Variants in NFS1 observed in about 807,000 individuals in gnomAD.
The protein encoded by NFS1 is NFS1 cysteine desulfurase, also known as cysteine desulfurase.
In NFS1, 26 loss-of-function variants were observed where a neutral mutation model predicts 57.3. That is an observed-to-expected ratio of 0.45 (90% CI 0.33 to 0.63). The LOEUF is 0.63. Among genes scored for constraint, NFS1 ranks in the 20% least tolerant of loss-of-function variants. The pLI, the probability that NFS1 is intolerant of heterozygous loss-of-function variation, is 0.02. For synonymous variants in NFS1, 209 were observed against 216.3 expected (o/e 0.97, Z 0.30); for missense variants, 505 against 605.8 (o/e 0.83, Z 1.75).
rs181478192 is a variant in NFS1 at position 35,683,383 on chromosome 20, G to A, written c.562-1402C>T. ...TGTAATCCCAGCTACTTGAGAGGCT[G>A]AGGCAGGAGAATCGCTTGAACCCGG... On this transcript the variant is annotated intron_variant, in intron 5 of 12. Transcript: ENST00000374092. Among the ~76,000 whole-genome samples, 331 of 152,114 alleles carry A rather than the reference G, an allele frequency of 2.2e-3. 4 individuals are homozygous for A. The highest frequency in any genetic ancestry group is 7.8e-3 in the African/African-American group (324 of 41,500).
At position 35,699,179 on chromosome 20, in the gene NFS1, G is replaced by C; in HGVS notation, c.97+13C>G. On this transcript the variant is annotated intron_variant, in intron 1 of 12. Transcript: ENST00000374092. This position sits in a 1 kb window ranked among gnomAD's most constrained non-coding sequence, Gnocchi z 4.4. ...CAGGTCCGCGCCTCCCGGAGAGCGG[G>C]ACCCGAGCGTACCGCGCAGGCGCAG... 7.2e-7 allele frequency: 1 copy of C among 1,398,112 alleles called. No homozygotes were observed. The highest frequency in any genetic ancestry group is 9.2e-7 in the Non-Finnish European group (1 of 1,086,166). The allele number at this position is 1,398,112 out of a possible 1,614,324, so 86.6% of individuals were successfully genotyped here. A position where few individuals can be genotyped will look rare whatever the true frequency, so the allele number is the denominator to read the frequency against.
At chr20:35,674,930 G>A (rs2034715184) in intron 8 of NFS1, 115 bp downstream of exon 8, 3 of 1,432,324 alleles carry the variant, frequency 2.1e-6, no homozygotes, top group East Asian at 2.3e-5. Context: ...ACAAGGAAGA[G>A]TTTTCTTAAG....
intron 4 of NFS1, chr20:35,692,230 G>C (rs775086935): frequency 9.7e-5 from 26 of 269,136 alleles, no homozygotes; most frequent in Non-Finnish European, 1.7e-4. Context: ...AAAAATTAGC[G>C]AGGTGTGGTG....
At chr20:35,692,327 T>C in intron 4 of NFS1, 1 of 241,108 alleles carries the variant, frequency 4.1e-6, no homozygotes. Flanking sequence ...TGAGCCGAGA[T>C]CATGCCCCTA....
At chr20:35,676,787 C>CAAAAAAAAAAAAAAAAA (rs1206628678) in intron 7 of NFS1, among the ~76,000 whole-genome samples, 10 of 77,312 alleles carry the variant, frequency 1.3e-4, no homozygotes, top group South Asian at 4.3e-4. Context: ...AAAAAAAAAC[C>CAAAAAAAAAAAAAAAAA]AAGAAAGAAA....
At chr20:35,683,575 T>C (rs2034886928) in intron 5 of NFS1, among the ~76,000 whole-genome samples, 1 of 150,612 alleles carries the variant, frequency 6.6e-6, no homozygotes, top group Non-Finnish European at 1.5e-5. Context: ...AGTCAAGAGA[T>C]CGAGACCATC....
chr20:35,674,919 G>T, intron 8 of NFS1, 126 bp downstream of exon 8: 2 of 1,321,116 alleles, frequency 1.5e-6, no homozygotes, highest in African/African-American at 1.4e-5. Flanking sequence ...GCAGCACCAG[G>T]ACAAGGAAGA....
At chr20:35,675,296 T>C in intron 7 of NFS1, 94 bp from the exon 8 acceptor site, 1 of 1,308,524 alleles carries the variant, frequency 7.6e-7, no homozygotes, top group Middle Eastern at 2.0e-4. Flanking sequence ...TTACTTCAAC[T>C]TTTCTGTAAG....
chr20:35,678,216 G>A (rs528603940), intron 7 of NFS1, among the ~76,000 whole-genome samples: 4 of 152,158 alleles, frequency 2.6e-5, no homozygotes, highest in Admixed American at 1.3e-4. Context: ...TTAGCCGGGC[G>A]TGGTGGCAAG....
At chr20:35,688,723 CAGAGGGAGAG>C (rs1163802258) in intron 5 of NFS1, among the ~76,000 whole-genome samples, 1 of 140,894 alleles carries the variant, frequency 7.1e-6, no homozygotes, top group African/African-American at 2.7e-5. Context: ...AAAAGAAAGA[CAGAGGGAGAG>C]AGAGAGAGAG....
In NFS1 at chr20:35,698,582, G is replaced by C. The variant is rs962834416; in HGVS notation, c.106C>G (p.Arg36Gly). The C allele has an allele frequency of 1.3e-6, 2 of 1,599,348 alleles. No homozygotes were observed. The highest frequency in any genetic ancestry group is 1.7e-6 in the Non-Finnish European group (2 of 1,175,988). The change falls in exon 2 of 13, where the codon CGT becomes GGT. Residue 36 changes from arginine to glycine, a missense_variant. Coordinates refer to ENST00000374092, the MANE Select transcript of NFS1 (RefSeq NM_021100.5). The part of the protein sequence containing the change: ...TRGLRLRVGD[R>G]APQSAVPADT... ...GCGGGAACCGCAGACTGAGGAGCAC[G>C]GTCTCCAACTGATAAAAAATGGAAC... is the stretch of plus-strand genomic sequence containing the variant.
chr20:35,687,992 T>G (rs959917521), intron 5 of NFS1, among the ~76,000 whole-genome samples: 2 of 152,182 alleles, frequency 1.3e-5, no homozygotes, highest in Admixed American at 1.3e-4. Flanking sequence ...GTCTATAATC[T>G]CAGCACTTTG....
chr20:35,674,877 G>T, intron 8 of NFS1, 168 bp downstream of exon 8: 2 of 869,354 alleles, frequency 2.3e-6, no homozygotes, highest in Non-Finnish European at 3.6e-6. Context: ...GGGTTTTGAA[G>T]CCCATAATGT....
At chr20:35,675,257 A>T in intron 7 of NFS1, 55 bp from the exon 8 acceptor site, 3 of 1,490,652 alleles carry the variant, frequency 2.0e-6, no homozygotes, top group Non-Finnish European at 2.7e-6. Flanking sequence ...AGATAAAACA[A>T]AATATTTCTT....
At position 35,698,472 on chromosome 20, in the gene NFS1, C is replaced by T; in HGVS notation, c.207+9G>A. On this transcript the variant is annotated intron_variant, in intron 2 of 12. Transcript: ENST00000374092. ...CTATAAGCAGCCTTGGGAAAAGCTT[C>T]ATCCTTACCAGAGGAGTTGTAGCTT... The T allele has an allele frequency of 6.3e-7, 1 of 1,589,804 alleles. No individual in the cohort carries two copies. The highest frequency in any genetic ancestry group is 8.6e-7 in the Non-Finnish European group (1 of 1,166,618).
At chr20:35,684,342 A>C (rs1311773344) in intron 5 of NFS1, among the ~76,000 whole-genome samples, 1 of 151,764 alleles carries the variant, frequency 6.6e-6, no homozygotes, top group Non-Finnish European at 1.5e-5. Context: ...TGGGAGGCGG[A>C]GGTTGCAGTG....
At chr20:35,677,292 G>C (rs2034769250) in intron 7 of NFS1, among the ~76,000 whole-genome samples, 1 of 152,120 alleles carries the variant, frequency 6.6e-6, no homozygotes, top group African/African-American at 2.4e-5. Flanking sequence ...AGCATTCTGG[G>C]AGGCCAAGGA....
rs766468743 is a variant in NFS1, at chr20:35,696,413, A to G, written c.372T>C (p.Thr124=). 1.2e-6 allele frequency: 2 copies of G among 1,614,006 alleles called. No individual in the cohort carries two copies. The highest frequency in any genetic ancestry group is 1.7e-5 in the Admixed American group (1 of 60,016). Residue 124 remains threonine, a synonymous_variant, in exon 4 of 13, where the codon ACT becomes ACC. Coordinates refer to ENST00000374092, the MANE Select transcript of NFS1 (RefSeq NM_021100.5). The part of the protein sequence containing the change: ...IGADPREIIF[T]SGATESNNIA... ...TGTTGTTGGATTCAGTAGCACCACT[A>G]GTAAAAATGATCTCACGAGGATCAG...
chr20:35,681,709 A>C (rs1239986207), intron 6 of NFS1, among the ~76,000 whole-genome samples, 179 bp downstream of exon 6: 1 of 152,130 alleles, frequency 6.6e-6, no homozygotes, highest in South Asian at 2.1e-4. Flanking sequence ...ATGAAAAAAA[A>C]AATGGTAATA....
Sources: gnomAD v4.1 joint callset for allele counts (sites outside exome capture counted in the v4.1 genomes callset) on GRCh38, gnomAD v4.1.1 for gene constraint, Gnocchi (gnomAD v3.1) non-coding constraint, MANE v1.5 for transcripts, NCBI Gene and HGNC (gene_info 2026-07-23, HGNC 2026-07-21) for gene names.